The following GP6 variants were observed in gnomAD, a reference collection of about 807,000 sequenced individuals.
GP6 encodes the protein platelet glycoprotein VI.
A neutral mutation model predicts 37.3 loss-of-function variants in GP6; 45 were observed. That is an observed-to-expected ratio of 1.21 (90% CI 0.95 to 1.55). GP6 has a LOEUF of 1.55. GP6 is among the 40% of genes most tolerant of loss of function. GP6 has a pLI of 0.00. For synonymous variants in GP6, 340 were observed against 316.4 expected, an observed-to-expected ratio of 1.07 and a Z score of -0.79; for missense variants, 813 against 760.2, an observed-to-expected ratio of 1.07 and a Z score of -0.82.
chr19:55,032,894 C>T (rs74574232), intron 1 of GP6: 5 of 354,188 alleles, frequency 1.4e-5, no homozygotes, highest in African/African-American at 5.1e-5. Context: ...ACGGTGGACT[C>T]GTTCGTGTTA....
chr19:55,024,257 CGCACACATAT>C (rs1383333489), intron 5 of GP6, among the ~76,000 whole-genome samples: 5 of 151,310 alleles, frequency 3.3e-5, no homozygotes, highest in African/African-American at 1.2e-4. Flanking sequence ...CAGAAGCACA[CGCACACATAT>C]GCACGCATGC....
In GP6 at chr19:55,014,461, A is replaced by C; in HGVS notation, c.1484T>G (p.Ile495Ser). 6.2e-7 allele frequency: 1 copy of C among 1,613,822 alleles called. No individual in the cohort carries two copies. Among genetic ancestry groups the C allele is most frequent in the South Asian group, 1.1e-5 (1 of 91,076 alleles). The change falls in exon 8 of 8, where the codon ATC becomes AGC. Residue 495 changes from isoleucine to serine, a missense_variant. By Grantham distance (142) the Ile-to-Ser change is moderately radical. Coordinates refer to ENST00000310373, the MANE Select transcript of GP6 (RefSeq NM_001083899.2). ...GAGATTTGTTAGACCGCAGTGGGAG[A>C]TGGAGTGAGGGTGAGAGTTTCTGGG...
intron 4 of GP6, among the ~76,000 whole-genome samples, chr19:55,025,994 TCC>T (rs1168307822): frequency 0.087 from 2,178 of 25,074 alleles, 502 homozygotes; most frequent in Middle Eastern, 0.29. Context: ...AAAGTGAGAC[TCC>T]CCCCAAAAAA....
At chr19:55,029,277 C>T (rs1358966631) in intron 3 of GP6, among the ~76,000 whole-genome samples, 4 of 116,008 alleles carry the variant, frequency 3.4e-5, no homozygotes, top group Admixed American at 9.3e-5. Context: ...TGTTTTGAGA[C>T]GGAGTCTCGC....
chr19:55,022,363 C>T (rs2074117033), intron 5 of GP6, among the ~76,000 whole-genome samples: 1 of 152,160 alleles, frequency 6.6e-6, no homozygotes, highest in African/African-American at 2.4e-5. Flanking sequence ...CTATTTTCTG[C>T]ATATGGCTAG....
chr19:55,036,936 G>C (rs932244336), intron 1 of GP6, among the ~76,000 whole-genome samples: 1 of 152,130 alleles, frequency 6.6e-6, no homozygotes, highest in African/African-American at 2.4e-5. Flanking sequence ...ACTTGGACCC[G>C]GGAGGCAGAG....
intron 7 of GP6, 21 bp from the exon 8 acceptor site, chr19:55,015,186 A>T (rs1452128059): frequency 1.3e-6 from 2 of 1,551,980 alleles, no homozygotes; most frequent in South Asian, 2.4e-5. Context: ...GAGGAGAGGC[A>T]GGAGCAGGTG....
intron 5 of GP6, among the ~76,000 whole-genome samples, chr19:55,021,470 C>A (rs2074079869): frequency 6.6e-6 from 1 of 151,244 alleles, no homozygotes; most frequent in African/African-American, 2.4e-5. Flanking sequence ...TAAAAGCATT[C>A]CTATTTCTCC....
intron 1 of GP6, among the ~76,000 whole-genome samples, chr19:55,037,794 G>A (rs2074893330): frequency 6.7e-6 from 1 of 148,524 alleles, no homozygotes. Flanking sequence ...ATCACGCCCG[G>A]CTAATTTTTG....
Position 55,027,603 on chromosome 19 carries a change from G to T in GP6, c.585C>A (p.Ser195Arg), listed in dbSNP as rs768628583. The T allele has an allele frequency of 6.2e-7, 1 of 1,613,038 alleles. No homozygotes were observed. The highest frequency in any genetic ancestry group is 2.2e-5 in the East Asian group (1 of 44,878). The change falls in exon 4 of 8, where the codon AGC becomes AGA. Residue 195 changes from serine (S) to arginine (R), a missense_variant. Physicochemically the swap from Ser to Arg is moderately radical, Grantham distance 110. Coordinates refer to ENST00000310373, the MANE Select transcript of GP6 (RefSeq NM_001083899.2). ...CTGTGACCACAAGCTCCAGGGGGTC[G>T]CTGGGGGCTGACCACAGGTATGGGT...
At position 55,027,695 on chromosome 19, in the gene GP6, A is replaced by G; in HGVS notation, c.493T>C (p.Phe165Leu). The G allele has an allele frequency of 6.2e-7, 1 of 1,613,342 alleles. No individual in the cohort carries two copies. Among genetic ancestry groups the G allele is most frequent in the Non-Finnish European group, 8.5e-7 (1 of 1,179,256 alleles). The change falls in exon 4 of 8, where the codon TTT (phenylalanine) becomes CTT (leucine). Residue 165 changes from phenylalanine (F) to leucine (L), a missense_variant. Physicochemically the swap from Phe to Leu is conservative, Grantham distance 22 (BLOSUM62 0). Transcript: ENST00000310373. The stretch of plus-strand genomic sequence containing the variant: ...GCGGCGGTCACCGTGATGATGGGAA[A>G]ACTAGCCCTGTACCATCTCTCGGGA...
chr19:55,031,888 G>A (rs573196102), intron 3 of GP6, among the ~76,000 whole-genome samples: 26 of 152,254 alleles, frequency 1.7e-4, no homozygotes, highest in African/African-American at 4.8e-4. Flanking sequence ...CGGGAGAATC[G>A]CTTGAGCCCT....
At position 55,027,693 on chromosome 19, in the gene GP6, A is replaced by G. The variant is rs892089; in HGVS notation, c.495T>C (p.Phe165=). ...GGGCGGCGGTCACCGTGATGATGGG[A>G]AAACTAGCCCTGTACCATCTCTCGG... Residue 165 remains phenylalanine, a synonymous_variant, in exon 4 of 8, where the codon TTT becomes TTC. Transcript: ENST00000310373. 0.8 allele frequency: 1,292,814 copies of G among 1,611,254 alleles called. 521,271 individuals carry two copies. The highest frequency in any genetic ancestry group is 0.82 in the Admixed American group (49,135 of 60,008).
chr19:55,028,960 A>G (rs1250436496), intron 3 of GP6, among the ~76,000 whole-genome samples: 1 of 151,630 alleles, frequency 6.6e-6, no homozygotes, highest in Non-Finnish European at 1.5e-5. Context: ...TGATCACTGT[A>G]CACTAGCCTG....
chr19:55,034,160 G>GTGT (rs1568646982), intron 1 of GP6, among the ~76,000 whole-genome samples: 1 of 151,438 alleles, frequency 6.6e-6, no homozygotes, highest in Non-Finnish European at 1.5e-5. Context: ...ATGTGTGTGT[G>GTGT]TGTGTGTGTG....
intron 5 of GP6, among the ~76,000 whole-genome samples, chr19:55,020,109 A>G (rs2146740691): frequency 6.6e-6 from 1 of 151,972 alleles, no homozygotes; most frequent in East Asian, 1.9e-4. Flanking sequence ...CCAGCTTGGA[A>G]AAAACTAGTT....
chr19:55,038,024 T>A (rs560789482), intron 1 of GP6, among the ~76,000 whole-genome samples, 179 bp downstream of exon 1: 82 of 152,296 alleles, frequency 5.4e-4, no homozygotes, highest in African/African-American at 1.9e-3. Context: ...TACACTGGAA[T>A]AACTCATGCA....
In GP6 at chr19:55,028,332, A is replaced by G. The variant is rs560712514; in HGVS notation, c.326-470T>C. Among the ~76,000 whole-genome samples the G allele has an allele frequency of 1.3e-5, 2 of 152,324 alleles. 1 individual carries two copies. The highest frequency in any genetic ancestry group is 6.8e-3 in the Middle Eastern group (2 of 294). Reference sequence around the variant, plus strand: ...TAGCTTCCGGGTGCCTTCCAAACTTATGATGTATATCAGTTCAGTGAATCC... The same window carrying G: ...TAGCTTCCGGGTGCCTTCCAAACTTGTGATGTATATCAGTTCAGTGAATCC... On this transcript the variant is annotated intron_variant, in intron 3 of 7. Transcript: ENST00000310373.
At chr19:55,032,439 G>T in intron 2 of GP6, 43 bp from the exon 3 acceptor site, 1 of 1,611,934 alleles carries the variant, frequency 6.2e-7, no homozygotes, top group Non-Finnish European at 8.5e-7. Context: ...CGCAGACCCC[G>T]CCTGGACCCC....
Sources: gnomAD v4.1 joint callset for allele counts (sites outside exome capture counted in the v4.1 genomes callset) on GRCh38, gnomAD v4.1.1 for gene constraint, MANE v1.5 for transcripts, NCBI Gene and HGNC (gene_info 2026-07-23, HGNC 2026-07-21) for gene names.